The following JAZF1 variants were observed in gnomAD, a reference collection of about 807,000 sequenced individuals.
JAZF1 encodes juxtaposed with another zinc finger protein 1.
Under a neutral mutation model 26.4 loss-of-function variants are expected in JAZF1, and 8 were observed. That is an observed-to-expected ratio of 0.30 (90% CI 0.18 to 0.55). The LOEUF (loss-of-function observed/expected upper bound fraction) is 0.55, where lower values mean the gene tolerates loss of function less well. Ranked by LOEUF, JAZF1 falls within the 20% of genes least tolerant of loss-of-function variation. The pLI is 0.94. For missense variants in JAZF1, 199 were observed against 322.0 expected (o/e 0.62, Z 2.92); for synonymous variants, 126 against 122.3 (o/e 1.03, Z -0.20).
At chr7:28,017,030 C>T (rs73091024) in intron 1 of JAZF1, among the ~76,000 whole-genome samples, 22,383 of 152,164 alleles carry the variant, frequency 0.15, 1,869 homozygotes, top group South Asian at 0.24. Context: ...AGCCATCCTA[C>T]TCTCTTCACT....
chr7:28,003,957 A>G (rs1782653203), intron 1 of JAZF1, among the ~76,000 whole-genome samples: 2 of 152,104 alleles, frequency 1.3e-5, no homozygotes, highest in South Asian at 4.1e-4. Context: ...CCAAATATAT[A>G]CGTCAAGTAT....
chr7:28,040,113 T>G (rs576703089), intron 1 of JAZF1, among the ~76,000 whole-genome samples: 1 of 152,326 alleles, frequency 6.6e-6, no homozygotes, highest in East Asian at 1.9e-4. Context: ...TAAAGGGTAT[T>G]CTTTACACAT....
intron 2 of JAZF1, among the ~76,000 whole-genome samples, chr7:27,904,725 TA>T (rs1484377599): frequency 1.4e-5 from 2 of 138,488 alleles, no homozygotes; most frequent in African/African-American, 2.7e-5. Context: ...ATAATAAAAC[TA>T]AAAGCAGCAC....
chr7:28,042,279 G>C (rs1783406479), intron 1 of JAZF1, among the ~76,000 whole-genome samples: 1 of 152,196 alleles, frequency 6.6e-6, no homozygotes, highest in Non-Finnish European at 1.5e-5. Flanking sequence ...GGGAAGGGGA[G>C]ACTACTGCCA....
intron 1 of JAZF1, among the ~76,000 whole-genome samples, chr7:28,065,097 A>G (rs949652588): frequency 6.6e-6 from 1 of 152,172 alleles, no homozygotes; most frequent in Non-Finnish European, 1.5e-5. Context: ...AATAACCTAC[A>G]TATTAATTGT....
intron 1 of JAZF1, among the ~76,000 whole-genome samples, chr7:27,994,740 A>G (rs1785980243): frequency 6.6e-6 from 1 of 152,238 alleles, no homozygotes; most frequent in Non-Finnish European, 1.5e-5. Context: ...GCTGCTGGTC[A>G]CAAATAAATG....
chr7:27,992,025 A>G (rs888670712), intron 1 of JAZF1, 44 bp from the exon 2 acceptor site: 7 of 1,109,386 alleles, frequency 6.3e-6, no homozygotes, highest in Non-Finnish European at 8.3e-6. Context: ...ATTTTGCATC[A>G]GAATATATGA....
intron 1 of JAZF1, among the ~76,000 whole-genome samples, chr7:28,150,245 G>A (rs1165929084): frequency 6.6e-6 from 1 of 152,198 alleles, no homozygotes; most frequent in Non-Finnish European, 1.5e-5. Context: ...GGCATTCAAG[G>A]AAGTAGAAAC....
At chr7:28,003,155 T>A (rs948313999) in intron 1 of JAZF1, among the ~76,000 whole-genome samples, 2 of 152,172 alleles carry the variant, frequency 1.3e-5, no homozygotes, top group African/African-American at 4.8e-5. Flanking sequence ...TCTGGTTTAT[T>A]TTGTTGGACC....
intron 2 of JAZF1, among the ~76,000 whole-genome samples, chr7:27,945,177 C>T (rs914244322): frequency 3.9e-5 from 6 of 151,996 alleles, no homozygotes; most frequent in Non-Finnish European, 8.8e-5. Flanking sequence ...GGTTTAAGCA[C>T]ACCGCTGTTG....
chr7:27,976,278 G>A (rs986622765), intron 2 of JAZF1, among the ~76,000 whole-genome samples: 4 of 149,972 alleles, frequency 2.7e-5, no homozygotes, highest in African/African-American at 4.9e-5. Flanking sequence ...CCCGGGAGGC[G>A]GAGCTTGCAG....
intron 1 of JAZF1, among the ~76,000 whole-genome samples, chr7:28,137,562 C>T (rs142409221): frequency 9.8e-5 from 15 of 152,326 alleles, no homozygotes; most frequent in African/African-American, 3.1e-4. Flanking sequence ...AGAGGCCTTG[C>T]AAGTCCTTTT....
At chr7:27,907,428 C>T (rs1344117510) in intron 2 of JAZF1, among the ~76,000 whole-genome samples, 1 of 152,170 alleles carries the variant, frequency 6.6e-6, no homozygotes, top group South Asian at 2.1e-4. Context: ...TAGGAGAATT[C>T]TTACATAAGA....
chr7:27,878,520 C>T (rs1393997041), intron 3 of JAZF1, among the ~76,000 whole-genome samples: 1 of 152,160 alleles, frequency 6.6e-6, no homozygotes, highest in Non-Finnish European at 1.5e-5. Flanking sequence ...GATGTGACTT[C>T]AGTTTGAAAA....
At chr7:27,975,854 CAT>C (rs2128360847) in intron 2 of JAZF1, among the ~76,000 whole-genome samples, 2 of 152,270 alleles carry the variant, frequency 1.3e-5, no homozygotes, top group East Asian at 1.9e-4. Context: ...CTGTTTAAAA[CAT>C]AGAGTGTCCT....
chr7:27,935,751 A>G (rs1784755655), intron 2 of JAZF1, among the ~76,000 whole-genome samples: 1 of 152,228 alleles, frequency 6.6e-6, no homozygotes, highest in Non-Finnish European at 1.5e-5. Context: ...GCTAGCCCCC[A>G]GCAAAATAGA....
At chr7:27,890,538 T>G (rs1783953969) in intron 3 of JAZF1, among the ~76,000 whole-genome samples, 1 of 152,308 alleles carries the variant, frequency 6.6e-6, no homozygotes, top group South Asian at 2.1e-4. Flanking sequence ...TAATAATGAA[T>G]GTGGATAGAA....
chr7:27,847,295 G>A (rs1562763160), intron 3 of JAZF1, among the ~76,000 whole-genome samples: 2 of 151,580 alleles, frequency 1.3e-5, no homozygotes, highest in African/African-American at 4.9e-5. Context: ...CAGCTATGCA[G>A]TCTCGTTTAT....
intron 1 of JAZF1, among the ~76,000 whole-genome samples, chr7:28,128,936 C>A (rs549776474): frequency 6.6e-6 from 1 of 152,096 alleles, no homozygotes; most frequent in African/African-American, 2.4e-5. Context: ...ATTGTTCTGA[C>A]TGGGAGAGAA....
Sources: allele counts gnomAD v4.1 joint callset (sites outside exome capture counted in the v4.1 genomes callset), GRCh38; gene constraint gnomAD v4.1.1; transcripts MANE v1.5; gene names NCBI Gene and HGNC (gene_info 2026-07-23, HGNC 2026-07-21).